Variants in ANK3 observed in about 807,000 individuals in gnomAD.
The protein encoded by ANK3 is ankyrin-3.
ANK3 carries 57 observed loss-of-function variants against 370.9 expected under a neutral mutation model. The observed-to-expected ratio is 0.15, with a 90% CI of 0.12 to 0.19. The LOEUF is 0.19. Among genes scored for constraint, ANK3 ranks in the 10% least tolerant of loss-of-function variants. The pLI, the probability that ANK3 is intolerant of heterozygous loss-of-function variation, is 1.00. For synonymous variants in ANK3, 1,929 were observed against 1,946.3 expected, an observed-to-expected ratio of 0.99 and a Z score of 0.23; for missense variants, 4,439 against 5,302.1, an observed-to-expected ratio of 0.84 and a Z score of 5.06.
chr10:60,241,540 G>T (rs2097458507), intron 7 of ANK3, among the ~76,000 whole-genome samples: 1 of 152,114 alleles, frequency 6.6e-6, no homozygotes, highest in African/African-American at 2.4e-5. Flanking sequence ...GAGTCACAGA[G>T]CTTGGTGCTT....
At chr10:60,298,849 C>G (rs1016724495) in intron 1 of ANK3, among the ~76,000 whole-genome samples, 1 of 152,164 alleles carries the variant, frequency 6.6e-6, no homozygotes, top group Non-Finnish European at 1.5e-5. Context: ...ATTGCTCAAA[C>G]CCTTCCCAGC....
chr10:60,425,590 AC>A (rs1176435231), intron 2 of ANK3, among the ~76,000 whole-genome samples: 1 of 152,112 alleles, frequency 6.6e-6, no homozygotes, highest in African/African-American at 2.4e-5. Context: ...CCTTAAGTAA[AC>A]AACCAACCCT....
intron 1 of ANK3, among the ~76,000 whole-genome samples, chr10:60,343,936 A>C (rs555382868): frequency 6.6e-6 from 1 of 152,350 alleles, no homozygotes; most frequent in East Asian, 1.9e-4. Flanking sequence ...CAGAGACCAC[A>C]TTTTGAGAAC....
chr10:60,613,125 C>A (rs949109102), intron 2 of ANK3, among the ~76,000 whole-genome samples: 1 of 152,078 alleles, frequency 6.6e-6, no homozygotes, highest in Non-Finnish European at 1.5e-5. Flanking sequence ...TGTTCTTCAT[C>A]AGAGTATTGT....
chr10:60,685,175 C>T (rs2079251248), intron 1 of ANK3: 1 of 490,754 alleles, frequency 2.0e-6, no homozygotes, highest in African/African-American at 2.0e-5. Flanking sequence ...TGTCTGCCCT[C>T]CTGGATGCTA....
At position 60,389,545 on chromosome 10, in the gene ANK3, T is replaced by C; in HGVS notation, c.-7A>G. The C allele has an allele frequency of 6.2e-7, 1 of 1,613,208 alleles. No individual in the cohort carries two copies. Among genetic ancestry groups the C allele is most frequent in the Non-Finnish European group, 8.5e-7 (1 of 1,179,756 alleles). On this transcript the variant is annotated 5_prime_UTR_variant, in exon 1 of 44. The change abolishes an upstream ATG in the 5' untranslated region. Coordinates refer to ENST00000280772, the MANE Select transcript of ANK3 (RefSeq NM_020987.5). ...GTGAGGCTGCATGAGCCATAATGCA[T>C]TTAAAAAGATCCTCTCAAGCACACA...
At chr10:60,275,747 AC>A (rs1169627711) in intron 4 of ANK3, among the ~76,000 whole-genome samples, 4 of 152,192 alleles carry the variant, frequency 2.6e-5, no homozygotes, top group Non-Finnish European at 4.4e-5. Flanking sequence ...TGCAAATGCC[AC>A]TAGAAAAATC....
intron 2 of ANK3, among the ~76,000 whole-genome samples, chr10:60,523,485 G>A (rs897898303): frequency 4.1e-5 from 6 of 145,800 alleles, no homozygotes; most frequent in African/African-American, 1.0e-4. Context: ...GTGAGAACAT[G>A]CGGTGTTTGG....
intron 2 of ANK3, among the ~76,000 whole-genome samples, chr10:60,444,545 C>T (rs1017763629): frequency 6.6e-6 from 1 of 151,946 alleles, no homozygotes; most frequent in African/African-American, 2.4e-5. Context: ...TTTCCATTCA[C>T]CCACTTTTCT....
At chr10:60,445,189 T>C (rs1022741555) in intron 2 of ANK3, among the ~76,000 whole-genome samples, 2 of 152,102 alleles carry the variant, frequency 1.3e-5, no homozygotes, top group Admixed American at 1.3e-4. Flanking sequence ...AGGAGTTTGA[T>C]ACCAGCCTGG....
At chr10:60,079,543 T>C (rs1490469000) in intron 36 of ANK3, among the ~76,000 whole-genome samples, 3 of 152,196 alleles carry the variant, frequency 2.0e-5, no homozygotes, top group Non-Finnish European at 4.4e-5. Context: ...AAGCCAAAGA[T>C]GTGACTCTTA....
chr10:60,458,455 C>T (rs1045623971), intron 2 of ANK3, among the ~76,000 whole-genome samples: 1 of 152,062 alleles, frequency 6.6e-6, no homozygotes, highest in African/African-American at 2.4e-5. Flanking sequence ...AAGACATTCA[C>T]AATCTAGAGG....
At chr10:60,051,665 T>A in intron 42 of ANK3, 71 of 79,400 alleles carry the variant, frequency 8.9e-4, no homozygotes, top group South Asian at 1.3e-3. Context: ...TGTTTTCTTC[T>A]TTTTTTTTTT....
chr10:60,255,416 C>A (rs1190308431), intron 7 of ANK3, among the ~76,000 whole-genome samples: 1 of 152,168 alleles, frequency 6.6e-6, no homozygotes, highest in East Asian at 1.9e-4. Flanking sequence ...CAGAGCCAGG[C>A]ACATGGTAAG....
chr10:60,253,936 C>T (rs1234122131), intron 7 of ANK3, among the ~76,000 whole-genome samples: 1 of 152,118 alleles, frequency 6.6e-6, no homozygotes, highest in African/African-American at 2.4e-5. Flanking sequence ...TTTATTTTCT[C>T]ACTTGTGATT....
intron 25 of ANK3, among the ~76,000 whole-genome samples, chr10:60,119,967 A>C (rs2132131127): frequency 6.6e-6 from 1 of 152,268 alleles, no homozygotes; most frequent in South Asian, 2.1e-4. Context: ...AAAAATCCTA[A>C]AATGTATGTG....
chr10:60,675,632 T>C (rs1412839269), intron 1 of ANK3, among the ~76,000 whole-genome samples: 1 of 152,246 alleles, frequency 6.6e-6, no homozygotes, highest in South Asian at 2.1e-4. Flanking sequence ...ACAAGTAACA[T>C]ATACTAAATT....
Position 60,234,801 on chromosome 10 carries a change from A to C in ANK3, c.799-15T>G. On this transcript the variant is annotated splice_polypyrimidine_tract_variant and intron_variant, in intron 7 of 43. Coordinates refer to ENST00000280772, the MANE Select transcript of ANK3 (RefSeq NM_020987.5). The stretch of plus-strand genomic sequence containing the variant: ...GTGATGTCATTCTGGGAAGAAGAGG[A>C]AAAAGTACAGATTTGATATTTTTGG... 1 of 1,554,296 alleles carries C rather than the reference A, an allele frequency of 6.4e-7. No individual in the cohort carries two copies. Among genetic ancestry groups the C allele is most frequent in the Non-Finnish European group, 8.9e-7 (1 of 1,126,606 alleles).
At chr10:60,211,660 CT>C (rs1284678420) in intron 9 of ANK3, among the ~76,000 whole-genome samples, 2 of 152,094 alleles carry the variant, frequency 1.3e-5, no homozygotes, top group Non-Finnish European at 2.9e-5. Flanking sequence ...CCTCTTTCCC[CT>C]ACTCAGAATG....
Sources: gnomAD v4.1 joint callset for allele counts (sites outside exome capture counted in the v4.1 genomes callset) on GRCh38, gnomAD v4.1.1 for gene constraint, MANE v1.5 for transcripts, NCBI Gene and HGNC (gene_info 2026-07-23, HGNC 2026-07-21) for gene names.